Variants in SRL observed in about 807,000 individuals in gnomAD.
The protein encoded by SRL is sarcalumenin.
In SRL, 23 loss-of-function variants were observed where a neutral mutation model predicts 39.5. The ratio of observed to expected loss-of-function variants is 0.58; its 90% CI spans 0.42 to 0.82. The LOEUF is 0.82. SRL is among the 40% of genes least tolerant of loss of function. The pLI is 0.00. For missense variants in SRL, 592 were observed against 607.8 expected (o/e 0.97, Z 0.27); for synonymous variants, 272 against 237.4 (o/e 1.15, Z -1.34).
rs940883238 is a variant in SRL, at chr16:4,204,533, C to T, written c.163G>A (p.Ala55Thr). The T allele has an allele frequency of 6.6e-7, 1 of 1,523,570 alleles. No homozygotes were observed. The highest frequency in any genetic ancestry group is 1.5e-5 in the African/African-American group (1 of 67,836). 94.4% of individuals were successfully genotyped at this position (1,523,570 alleles called of 1,614,324 possible). ...NEDKPSDDYS[A>T]VLQRLRKIYH... Reference sequence around the variant, plus strand: ...GGGCATATCTCCCTCCCCTGGTTACCAGAGTAGTCATCGGATGGCTTGTCC... The same window carrying T: ...GGGCATATCTCCCTCCCCTGGTTACTAGAGTAGTCATCGGATGGCTTGTCC... The change falls in exon 2 of 6, where the codon GCG (alanine) becomes ACG (threonine). Residue 55 changes from alanine (A) to threonine (T), a missense_variant and splice_region_variant. By Grantham distance (58) the Ala-to-Thr change is moderately conservative. Coordinates refer to ENST00000399609, the MANE Select transcript of SRL (RefSeq NM_001098814.2).
chr16:4,193,975 T>G (rs1431433837), intron 5 of SRL, among the ~76,000 whole-genome samples: 1 of 151,232 alleles, frequency 6.6e-6, no homozygotes, highest in Non-Finnish European at 1.5e-5. Context: ...CTACTAATAT[T>G]ATTAATTGCT....
chr16:4,213,386 T>TTTTTTCTTTTTCTTTTTC (rs372374910), intron 1 of SRL, among the ~76,000 whole-genome samples: 11 of 124,872 alleles, frequency 8.8e-5, no homozygotes, highest in African/African-American at 2.9e-4. Context: ...CAGCATCTTT[T>TTTTTTCTTTTTCTTTTTC]TTTTTCTTTT....
At chr16:4,239,593 G>A (rs1294252299) in intron 1 of SRL, 12 of 152,236 alleles carry the variant, frequency 7.9e-5, no homozygotes, top group Non-Finnish European at 1.8e-4. Context: ...CCCCCAGGAC[G>A]GTCTTATCCA....
chr16:4,203,116 C>T (rs13339613), intron 3 of SRL, 50 bp downstream of exon 3: 228,771 of 1,545,518 alleles, frequency 0.15, 18,306 homozygotes, highest in Admixed American at 0.24. Context: ...CGCCGACAGG[C>T]CTGCGCCGTA....
chr16:4,225,811 CA>C (rs1421772355), intron 1 of SRL, among the ~76,000 whole-genome samples: 1 of 151,968 alleles, frequency 6.6e-6, no homozygotes, highest in East Asian at 1.9e-4. Context: ...AGGAGACCCC[CA>C]CTCCACACAC....
rs1038908905 is a variant in SRL, at chr16:4,203,520, A to ATTAT, written c.164-263_164-260dup. Among the ~76,000 whole-genome samples, 48 of 152,098 alleles carry ATTAT rather than the reference A, an allele frequency of 3.2e-4. No individual in the cohort carries two copies. In the South Asian group the frequency reaches 8.3e-3, roughly 26 times the overall value. On this transcript the variant is annotated intron_variant, in intron 2 of 5. Transcript: ENST00000399609. ...CTGAACTGTTTGGTTATTTTATTTT[A>ATTAT]TTATTTATTTATTTATTTAGAGAAA... is the stretch of plus-strand genomic sequence containing the variant.
chr16:4,213,404 CTTTTTTTT>C (rs1176583909), intron 1 of SRL, among the ~76,000 whole-genome samples: 3 of 69,580 alleles, frequency 4.3e-5, no homozygotes, highest in East Asian at 6.1e-4. Context: ...TTTTCTTTTT[CTTTTTTTT>C]TTTTTTTTTT....
chr16:4,235,342 G>A (rs1175394052), intron 1 of SRL, among the ~76,000 whole-genome samples: 1 of 152,182 alleles, frequency 6.6e-6, no homozygotes, highest in Non-Finnish European at 1.5e-5. Flanking sequence ...TCACAGCCAG[G>A]AACACATCAT....
rs369931788 is a variant in SRL, at chr16:4,240,812, G to A, written c.61+1195C>T. Among the ~76,000 whole-genome samples, 44 of 152,258 alleles carry A rather than the reference G, an allele frequency of 2.9e-4. 1 individual carries two copies. The highest frequency in any genetic ancestry group is 9.6e-4 in the African/African-American group (40 of 41,548). ...GGCTTGGGGCTCCGGATCCAATTAC[G>A]CGGCTGTTTCCATACTTAGCCGCCT... On this transcript the variant is annotated intron_variant, in intron 1 of 5. Transcript: ENST00000399609.
intron 1 of SRL, among the ~76,000 whole-genome samples, chr16:4,222,901 C>T (rs1368817651): frequency 6.6e-6 from 1 of 152,038 alleles, no homozygotes; most frequent in Non-Finnish European, 1.5e-5. Flanking sequence ...TGAGACCAGC[C>T]TGGCCAACAT....
chr16:4,203,048 T>G, intron 3 of SRL, 118 bp downstream of exon 3: 76 of 875,602 alleles, frequency 8.7e-5, no homozygotes, highest in Non-Finnish European at 1.3e-4. Context: ...ACATCATGAA[T>G]GAGCTCCTGA....
chr16:4,230,499 GC>G (rs1309560227), intron 1 of SRL, among the ~76,000 whole-genome samples: 1 of 151,132 alleles, frequency 6.6e-6, no homozygotes, highest in Non-Finnish European at 1.5e-5. Flanking sequence ...TCCTGCCTCA[GC>G]CCCCCAAGTA....
intron 4 of SRL, among the ~76,000 whole-genome samples, chr16:4,196,948 T>C (rs772925352): frequency 2.6e-5 from 4 of 152,182 alleles, no homozygotes; most frequent in Non-Finnish European, 5.9e-5. Flanking sequence ...TCTTGATCCT[T>C]TCATCCATTG....
intron 3 of SRL, 112 bp downstream of exon 3, chr16:4,203,054 C>T: frequency 1.1e-6 from 1 of 939,762 alleles, no homozygotes; most frequent in Non-Finnish European, 1.7e-6. Flanking sequence ...TGAATGAGCT[C>T]CTGAACCTGT....
chr16:4,194,648 C>A (rs1325770561), intron 5 of SRL, among the ~76,000 whole-genome samples: 1 of 152,136 alleles, frequency 6.6e-6, no homozygotes, highest in Non-Finnish European at 1.5e-5. Context: ...GACAACTGAG[C>A]CCCAGCTTGA....
At chr16:4,206,368 A>G (rs2052318415) in intron 1 of SRL, among the ~76,000 whole-genome samples, 1 of 151,942 alleles carries the variant, frequency 6.6e-6, no homozygotes, top group African/African-American at 2.4e-5. Flanking sequence ...ACCCACCCCC[A>G]TCCATTCCCT....
intron 1 of SRL, among the ~76,000 whole-genome samples, chr16:4,228,771 G>C (rs1167069314): frequency 1.3e-5 from 2 of 151,900 alleles, no homozygotes; most frequent in Non-Finnish European, 2.9e-5. Flanking sequence ...AAGTGAAAAA[G>C]AAAAGGCCTG....
Position 4,216,432 on chromosome 16 carries a change from C to G in SRL, c.62-11798G>C, listed in dbSNP as rs565798079. On this transcript the variant is annotated intron_variant, in intron 1 of 5. Coordinates refer to ENST00000399609, the MANE Select transcript of SRL (RefSeq NM_001098814.2). ...GACCACAAGTGCACGCAACCACACT[C>G]GGCTAATTTTTGTATTTTTTGTAGA... Among the ~76,000 whole-genome samples, 95 of 152,090 alleles carry G rather than the reference C, an allele frequency of 6.2e-4. 1 individual carries two copies. The highest frequency in any genetic ancestry group is 2.2e-3 in the African/African-American group (92 of 41,480).
In SRL at chr16:4,204,581, C is replaced by G; in HGVS notation, c.115G>C (p.Glu39Gln). ...TCCTCATTCAGCATGAGGGTCTTCT[C>G]GATGTGGGAGCGGTCCCTCAATGGG... ...EAPLRDRSHI[E>Q]KTLMLNEDKP... Residue 39 changes from glutamate (E) to glutamine (Q), a missense_variant, in exon 2 of 6, where the codon GAG (glutamate) becomes CAG (glutamine). Glu to Gln is a conservative substitution (Grantham distance 29). Coordinates refer to ENST00000399609, the MANE Select transcript of SRL (RefSeq NM_001098814.2). 1 of 1,614,202 alleles carries G rather than the reference C, an allele frequency of 6.2e-7. No individual in the cohort carries two copies. Among genetic ancestry groups the G allele is most frequent in the Non-Finnish European group, 8.5e-7 (1 of 1,180,046 alleles).
Sources: gnomAD v4.1 joint callset for allele counts (sites outside exome capture counted in the v4.1 genomes callset) on GRCh38, gnomAD v4.1.1 for gene constraint, MANE v1.5 for transcripts, NCBI Gene and HGNC (gene_info 2026-07-23, HGNC 2026-07-21) for gene names.